Variants in GPD2 observed in about 807,000 individuals in gnomAD.
GPD2 encodes the protein glycerol-3-phosphate dehydrogenase 2, also known as glycerol-3-phosphate dehydrogenase, mitochondrial.
A neutral mutation model predicts 82.4 loss-of-function variants in GPD2; 54 were observed. The observed-to-expected ratio is 0.66, with a 90% CI of 0.53 to 0.82. The LOEUF is 0.82. GPD2 is among the 40% of genes least tolerant of loss of function. GPD2 has a pLI of 0.00. For missense variants in GPD2, 748 were observed against 896.2 expected (o/e 0.83, Z 2.11); for synonymous variants, 288 against 306.1 (o/e 0.94, Z 0.62).
intron 1 of GPD2, among the ~76,000 whole-genome samples, chr2:156,442,934 G>T (rs147603576): frequency 6.6e-6 from 1 of 152,182 alleles, no homozygotes; most frequent in East Asian, 1.9e-4. Context: ...ATTTGATCAC[G>T]TTCTAAATAT....
At chr2:156,493,391 C>T (rs937961593) in intron 2 of GPD2, among the ~76,000 whole-genome samples, 2 of 151,970 alleles carry the variant, frequency 1.3e-5, no homozygotes, top group East Asian at 3.9e-4. Context: ...ATTTACAGGT[C>T]TATCGGGAAT....
chr2:156,519,813 C>A (rs1485288015), intron 6 of GPD2, among the ~76,000 whole-genome samples: 1 of 152,204 alleles, frequency 6.6e-6, no homozygotes, highest in Non-Finnish European at 1.5e-5. Context: ...AGGGTGAGTG[C>A]CTTTGGGCTC....
At chr2:156,426,167 C>T in the GPD2 span, among the ~76,000 whole-genome samples, 1 of 152,188 alleles carries the variant, frequency 6.6e-6, no homozygotes, top group Non-Finnish European at 1.5e-5. Flanking sequence ...TCGTGATCCG[C>T]CCGCCTTGGC....
rs1042145776 is a variant in GPD2 at position 156,585,162 on chromosome 2, C to A, written c.*2244C>A. On this transcript the variant is annotated 3_prime_UTR_variant, in exon 17 of 17. Coordinates refer to ENST00000438166, the MANE Select transcript of GPD2 (RefSeq NM_000408.5). ...TCAAGCCGTTACTGTGAATAAAGCACCCCAGCATTTTGTATAAGCTCTTAA... is the reference window on the plus strand; with the variant it reads ...TCAAGCCGTTACTGTGAATAAAGCAACCCAGCATTTTGTATAAGCTCTTAA... The A allele has an allele frequency of 1.3e-5, 2 of 152,214 alleles. No homozygotes were observed. Among genetic ancestry groups the A allele is most frequent in the African/African-American group, 4.8e-5 (2 of 41,394 alleles). 9.4% of individuals were successfully genotyped at this position (152,214 alleles called of 1,614,324 possible). A position where few individuals can be genotyped will look rare whatever the true frequency, so the allele number is the denominator to read the frequency against.
At chr2:156,571,490 T>G (rs1316031788) in intron 13 of GPD2, among the ~76,000 whole-genome samples, 198 bp downstream of exon 13, 2 of 152,156 alleles carry the variant, frequency 1.3e-5, no homozygotes, top group Non-Finnish European at 2.9e-5. Flanking sequence ...GGAAAATCTC[T>G]TGTAGAAAAT....
At chr2:156,561,034 A>G (rs147721271) in intron 9 of GPD2, among the ~76,000 whole-genome samples, 1,183 of 35,892 alleles carry the variant, frequency 0.033, 18 homozygotes, top group African/African-American at 0.089. Flanking sequence ...GCCCAGTGAC[A>G]TTAAGCTTTT....
chr2:156,454,214 A>G (rs1244677479), intron 1 of GPD2, among the ~76,000 whole-genome samples: 1 of 152,182 alleles, frequency 6.6e-6, no homozygotes, highest in Non-Finnish European at 1.5e-5. Context: ...TTCCATCAGG[A>G]GCAGGGTTCT....
At chr2:156,416,352 CTT>C in the GPD2 span, among the ~76,000 whole-genome samples, 6 of 142,748 alleles carry the variant, frequency 4.2e-5, no homozygotes, top group Admixed American at 7.0e-5. Flanking sequence ...TAAAATATTT[CTT>C]TTTTTTTTTT....
intron 5 of GPD2, among the ~76,000 whole-genome samples, chr2:156,512,685 T>C (rs918340438): frequency 6.6e-6 from 1 of 152,212 alleles, no homozygotes; most frequent in African/African-American, 2.4e-5. Context: ...AATGTAAACA[T>C]ACCACATACC....
intron 2 of GPD2, among the ~76,000 whole-genome samples, chr2:156,487,197 T>C (rs1481837910): frequency 1.3e-5 from 2 of 151,400 alleles, no homozygotes; most frequent in African/African-American, 2.4e-5. Flanking sequence ...TAATCCCAGC[T>C]ACTGGGGAGG....
chr2:156,563,057 A>G (rs1687233333), intron 9 of GPD2, among the ~76,000 whole-genome samples: 1 of 152,146 alleles, frequency 6.6e-6, no homozygotes, highest in Admixed American at 6.6e-5. Flanking sequence ...TAAAGCATTC[A>G]TGTAATTTGG....
rs1688083483 is a variant in GPD2, at chr2:156,582,944, C to G, written c.*26C>G. On this transcript the variant is annotated 3_prime_UTR_variant, in exon 17 of 17. Coordinates refer to ENST00000438166, the MANE Select transcript of GPD2 (RefSeq NM_000408.5). ...GTCTGGGCAGTAAATCCACAGCCAA[C>G]AAACATAGAAACGACAAATCACCAT... is the stretch of plus-strand genomic sequence containing the variant. The G allele has an allele frequency of 6.3e-7, 1 of 1,590,044 alleles. No homozygotes were observed. The highest frequency in any genetic ancestry group is 8.6e-7 in the Non-Finnish European group (1 of 1,165,160).
upstream of GPD2, among the ~76,000 whole-genome samples, chr2:156,430,960 A>C (rs1665685455): frequency 1.3e-5 from 2 of 152,234 alleles, no homozygotes; most frequent in African/African-American, 4.8e-5. Flanking sequence ...ATTTTGTTAC[A>C]CCAGGATATA....
At chr2:156,546,203 A>G (rs1373788899) in intron 6 of GPD2, among the ~76,000 whole-genome samples, 1 of 152,222 alleles carries the variant, frequency 6.6e-6, no homozygotes, top group African/African-American at 2.4e-5. Flanking sequence ...GTAAGTGCCA[A>G]TGTAAAGCTA....
At chr2:156,506,578 A>C (rs1423456161) in intron 3 of GPD2, among the ~76,000 whole-genome samples, 1 of 151,832 alleles carries the variant, frequency 6.6e-6, no homozygotes, top group African/African-American at 2.4e-5. Context: ...CACTCTGTCA[A>C]TTTGGGAAAT....
intron 6 of GPD2, among the ~76,000 whole-genome samples, chr2:156,523,098 A>G (rs1685472554): frequency 6.6e-6 from 1 of 152,192 alleles, no homozygotes; most frequent in Non-Finnish European, 1.5e-5. Flanking sequence ...ACACATCATT[A>G]TCACCCAGAG....
chr2:156,469,725 G>A (rs542554102), intron 1 of GPD2, among the ~76,000 whole-genome samples: 2 of 152,266 alleles, frequency 1.3e-5, no homozygotes, highest in South Asian at 4.1e-4. Context: ...CCCCTCCATT[G>A]GTCATGCTTG....
chr2:156,450,842 G>A (rs865891318), intron 1 of GPD2, among the ~76,000 whole-genome samples: 21 of 127,706 alleles, frequency 1.6e-4, no homozygotes, highest in Middle Eastern at 3.6e-3. Flanking sequence ...CTGGGTACTT[G>A]AGATTAGGGA....
intron 1 of GPD2, among the ~76,000 whole-genome samples, chr2:156,446,779 G>C (rs1422168660): frequency 6.6e-6 from 1 of 152,110 alleles, no homozygotes; most frequent in Non-Finnish European, 1.5e-5. Flanking sequence ...GGCCAGGCTG[G>C]TCTCGAACTT....
Sources: allele counts gnomAD v4.1 joint callset (sites outside exome capture counted in the v4.1 genomes callset), GRCh38; gene constraint gnomAD v4.1.1; transcripts MANE v1.5; gene names NCBI Gene and HGNC (gene_info 2026-07-23, HGNC 2026-07-21).